XIRP2: variants seen among roughly 807,000 people sequenced by gnomAD.
XIRP2 encodes xin actin-binding repeat-containing protein 2.
Under a neutral mutation model 277.0 loss-of-function variants are expected in XIRP2, and 236 were observed. The observed-to-expected ratio is 0.85, with a 90% CI of 0.77 to 0.95. XIRP2 has a LOEUF of 0.95. XIRP2 is among the 40% of genes least tolerant of loss of function. The probability of loss-of-function intolerance (pLI) is 0.00; values close to 1 mark genes in which losing one functional copy is unlikely to be tolerated. For synonymous variants in XIRP2, 1,490 were observed against 1,416.5 expected (o/e 1.05, Z -1.17); for missense variants, 4,640 against 4,157.5 (o/e 1.12, Z -3.19).
At chr2:167,215,409 C>A (rs1395737630) in intron 4 of XIRP2, among the ~76,000 whole-genome samples, 2 of 152,130 alleles carry the variant, frequency 1.3e-5, no homozygotes, top group Non-Finnish European at 2.9e-5. Context: ...ACGTTATTAA[C>A]TTAGTAAAGC....
intron 8 of XIRP2, 99 bp downstream of exon 8, chr2:167,242,009 A>C: frequency 1.6e-6 from 2 of 1,235,628 alleles, no homozygotes; most frequent in Non-Finnish European, 2.1e-6. Flanking sequence ...GCTTTTCAAC[A>C]AAAAAAAATT....
At chr2:167,088,418 C>T (rs373772766) in intron 2 of XIRP2, among the ~76,000 whole-genome samples, 3 of 152,118 alleles carry the variant, frequency 2.0e-5, no homozygotes, top group African/African-American at 7.3e-5. Flanking sequence ...TAATCTCTCT[C>T]CTGGACAGCT....
chr2:167,040,929 C>T (rs540805999), intron 2 of XIRP2, among the ~76,000 whole-genome samples: 24 of 152,324 alleles, frequency 1.6e-4, no homozygotes, highest in African/African-American at 4.3e-4. Flanking sequence ...ATTGCCACCA[C>T]GCTGTCCATG....
chr2:167,101,538 T>G (rs1247020115), intron 2 of XIRP2, among the ~76,000 whole-genome samples: 1 of 152,308 alleles, frequency 6.6e-6, no homozygotes. Flanking sequence ...TCCTCATAGC[T>G]TAGCTCCCAG....
chr2:166,985,771 G>T (rs938500699), intron 2 of XIRP2, among the ~76,000 whole-genome samples: 1 of 151,944 alleles, frequency 6.6e-6, no homozygotes, highest in Non-Finnish European at 1.5e-5. Flanking sequence ...TGGTCTGGGT[G>T]TGAAGTGATG....
intron 3 of XIRP2, among the ~76,000 whole-genome samples, chr2:167,150,323 T>A (rs1691980316): frequency 6.6e-6 from 1 of 152,020 alleles, no homozygotes; most frequent in South Asian, 2.1e-4. Flanking sequence ...AAAAATTGTA[T>A]GATCACATGA....
Position 167,246,107 on chromosome 2 carries a change from T to C in XIRP2, c.4715T>C (p.Ile1572Thr), listed in dbSNP as rs7588159. 3,468 of 1,613,608 alleles carry C rather than the reference T, an allele frequency of 2.1e-3. 82 individuals are homozygous for C. In the African/African-American group the frequency reaches 0.041, roughly 19 times the overall value. Reference sequence around the variant, plus strand: ...GTTATCCAGGCTCCTGGAATCATCATTGAAGCTGATGAAATAGGGGATGTT... The same window carrying C: ...GTTATCCAGGCTCCTGGAATCATCACTGAAGCTGATGAAATAGGGGATGTT... ...QKVIQAPGII[I>T]EADEIGDVRM... Residue 1572 changes from isoleucine (I) to threonine (T), a missense_variant, in exon 9 of 11, where the codon ATT becomes ACT. Physicochemically the swap from Ile to Thr is moderately conservative, Grantham distance 89. Transcript: ENST00000409195.
intron 2 of XIRP2, among the ~76,000 whole-genome samples, chr2:167,094,618 G>A (rs1239239461): frequency 6.6e-6 from 1 of 152,182 alleles, no homozygotes; most frequent in African/African-American, 2.4e-5. Context: ...TCAAAGATCA[G>A]ACGGTTGTAG....
At chr2:167,142,390 A>C (rs187822217) in intron 3 of XIRP2, among the ~76,000 whole-genome samples, 103 of 152,098 alleles carry the variant, frequency 6.8e-4, no homozygotes, top group African/African-American at 2.3e-3. Flanking sequence ...TCTACTAAAA[A>C]TACAAAAATT....
At chr2:166,999,685 G>T (rs1208150056) in intron 2 of XIRP2, among the ~76,000 whole-genome samples, 2 of 152,026 alleles carry the variant, frequency 1.3e-5, no homozygotes, top group African/African-American at 2.4e-5. Flanking sequence ...TAAAATAAAT[G>T]ATTTAATTTC....
In XIRP2 at chr2:167,244,401, A is replaced by C. The variant is rs375898861; in HGVS notation, c.3009A>C (p.Thr1003=). 355 of 1,613,700 alleles carry C rather than the reference A, an allele frequency of 2.2e-4. 1 individual carries two copies. Among genetic ancestry groups the C allele is most frequent in the Middle Eastern group, 1.7e-3 (10 of 6,056 alleles). The change falls in exon 9 of 11, where the codon ACA becomes ACC. Residue 1003 remains threonine (T), a synonymous_variant. Coordinates refer to ENST00000409195, the MANE Select transcript of XIRP2 (RefSeq NM_152381.6). The stretch of plus-strand genomic sequence containing the variant: ...TTGGAAAATATCATCAAGTAAAGAC[A>C]GTCCAGCAAGAAGAAATCGTAAGAG... The part of the protein sequence containing the change: ...DPLGKYHQVK[T]VQQEEIVRGD...
intron 3 of XIRP2, among the ~76,000 whole-genome samples, chr2:167,193,303 A>T (rs1220457417): frequency 2.0e-5 from 3 of 152,082 alleles, no homozygotes; most frequent in African/African-American, 7.2e-5. Context: ...TTTCAAGCCA[A>T]CCAGTCACAG....
At chr2:167,042,770 AG>A (rs1254650778) in intron 2 of XIRP2, among the ~76,000 whole-genome samples, 1 of 152,172 alleles carries the variant, frequency 6.6e-6, no homozygotes, top group Non-Finnish European at 1.5e-5. Flanking sequence ...GGATATTTGA[AG>A]ACCCCCACTG....
intron 2 of XIRP2, among the ~76,000 whole-genome samples, chr2:167,074,604 C>CTGTGTGTGTGTG (rs199933269): frequency 6.8e-6 from 1 of 147,588 alleles, no homozygotes; most frequent in Admixed American, 6.7e-5. Flanking sequence ...TGGTTTCTTT[C>CTGTGTGTGTGTG]TGTGTGTGTG....
At chr2:167,056,491 T>C (rs1045242426) in intron 2 of XIRP2, among the ~76,000 whole-genome samples, 1 of 152,088 alleles carries the variant, frequency 6.6e-6, no homozygotes, top group Non-Finnish European at 1.5e-5. Flanking sequence ...GTTCCCAGTT[T>C]ATGCAAACTC....
chr2:166,976,024 A>G (rs921799747), intron 2 of XIRP2, among the ~76,000 whole-genome samples: 1 of 149,988 alleles, frequency 6.7e-6, no homozygotes, highest in African/African-American at 2.5e-5. Flanking sequence ...CTATCCTTTC[A>G]CTATTGTTGT....
chr2:167,220,169 CT>C (rs955447715), intron 5 of XIRP2, among the ~76,000 whole-genome samples: 2 of 152,092 alleles, frequency 1.3e-5, no homozygotes, highest in African/African-American at 4.8e-5. Flanking sequence ...TCCTTCCTTC[CT>C]TTCTTTTTTT....
At chr2:166,904,809 C>G (rs1394396373) in intron 2 of XIRP2, among the ~76,000 whole-genome samples, 1 of 151,936 alleles carries the variant, frequency 6.6e-6, no homozygotes, top group African/African-American at 2.4e-5. Flanking sequence ...TTGGTTTTCA[C>G]CTAATGACAG....
Position 167,245,191 on chromosome 2 carries a change from A to T in XIRP2, c.3799A>T (p.Ile1267Leu). 6.2e-7 allele frequency: 1 copy of T among 1,613,778 alleles called. No individual in the cohort carries two copies. Among genetic ancestry groups the T allele is most frequent in the Non-Finnish European group, 8.5e-7 (1 of 1,179,738 alleles). Reference protein sequence around the residue: ...GDECVKTVTDIQGGDVRKGCF... With the variant: ...GDECVKTVTDLQGGDVRKGCF... ...TGAATGTGTTAAGACGGTGACAGAC[A>T]TACAAGGTGGGGATGTAAGAAAGGG... Residue 1267 changes from isoleucine to leucine, a missense_variant, in exon 9 of 11, where the codon ATA becomes TTA. By Grantham distance (5) the Ile-to-Leu change is conservative. Coordinates refer to ENST00000409195, the MANE Select transcript of XIRP2 (RefSeq NM_152381.6).
Sources: allele counts gnomAD v4.1 joint callset (sites outside exome capture counted in the v4.1 genomes callset), GRCh38; gene constraint gnomAD v4.1.1; transcripts MANE v1.5; gene names NCBI Gene and HGNC (gene_info 2026-07-23, HGNC 2026-07-21).